The following LVRN variants were observed in gnomAD, a reference collection of about 807,000 sequenced individuals.
The protein encoded by LVRN is aminopeptidase Q.
In LVRN, 99 loss-of-function variants were observed where a neutral mutation model predicts 111.4. The ratio of observed to expected loss-of-function variants is 0.89; its 90% CI spans 0.76 to 1.05. The LOEUF (loss-of-function observed/expected upper bound fraction) is 1.05. LVRN is among the 50% of genes least tolerant of loss of function. The pLI is 0.00. For missense variants in LVRN, 1,414 were observed against 1,206.8 expected, an observed-to-expected ratio of 1.17 and a Z score of -2.54; for synonymous variants, 488 against 449.5, an observed-to-expected ratio of 1.09 and a Z score of -1.08.
intron 1 of LVRN, among the ~76,000 whole-genome samples, chr5:115,980,506 A>T (rs901535955): frequency 4.6e-5 from 7 of 152,050 alleles, no homozygotes; most frequent in Non-Finnish European, 8.8e-5. Context: ...TGCTTGCTTG[A>T]TGTTTGATTT....
intron 18 of LVRN, among the ~76,000 whole-genome samples, chr5:116,020,454 T>C (rs1170522828): frequency 1.3e-5 from 2 of 152,226 alleles, no homozygotes; most frequent in African/African-American, 2.4e-5. Flanking sequence ...ATACAGAGCA[T>C]GATCAGTTTT....
At chr5:116,024,782 C>T (rs1580405106) in intron 19 of LVRN, among the ~76,000 whole-genome samples, 1 of 152,024 alleles carries the variant, frequency 6.6e-6, no homozygotes, top group East Asian at 1.9e-4. Context: ...TAAATTATTG[C>T]AATTTAAAAA....
At chr5:115,969,208 T>C (rs996363906) in intron 1 of LVRN, among the ~76,000 whole-genome samples, 3 of 152,162 alleles carry the variant, frequency 2.0e-5, no homozygotes, top group African/African-American at 7.2e-5. Context: ...TCACTGAGCT[T>C]CTTGTATCTG....
intron 18 of LVRN, chr5:116,021,893 G>A (rs1271318496): frequency 3.1e-6 from 1 of 325,542 alleles, no homozygotes; most frequent in African/African-American, 2.2e-5. Flanking sequence ...GAGCCATGGT[G>A]CTCAGCCTTC....
At position 116,017,130 on chromosome 5, in the gene LVRN, T is replaced by C. The variant is rs117375571; in HGVS notation, c.2756+1365T>C. ...ATTTGAACAAGCACAGTTGCAAATC[T>C]CCTCCTTCTACCTGGAGGACAGAAC... On this transcript the variant is annotated intron_variant, in intron 18 of 19. Coordinates refer to ENST00000357872, the MANE Select transcript of LVRN (RefSeq NM_173800.5). Among the ~76,000 whole-genome samples, 785 of 152,256 alleles carry C rather than the reference T, an allele frequency of 5.2e-3. 11 individuals are homozygous for C. Among genetic ancestry groups the C allele is most frequent in the South Asian group, 0.046 (221 of 4,816 alleles).
chr5:116,007,711 A>T (rs1430153526), intron 13 of LVRN, among the ~76,000 whole-genome samples: 1 of 152,182 alleles, frequency 6.6e-6, no homozygotes, highest in Non-Finnish European at 1.5e-5. Context: ...CTTCACAGAT[A>T]TTGCATTTGT....
chr5:116,003,113 T>C (rs986419557), intron 11 of LVRN, 128 bp from the exon 12 acceptor site: 2 of 971,426 alleles, frequency 2.1e-6, no homozygotes, highest in Non-Finnish European at 3.0e-6. Context: ...AAGAGCAATA[T>C]ATATTTTAGA....
At chr5:116,016,519 C>T (rs73783053) in intron 18 of LVRN, among the ~76,000 whole-genome samples, 11,800 of 152,238 alleles carry the variant, frequency 0.078, 571 homozygotes, top group African/African-American at 0.14. Flanking sequence ...GTTTTTCTGA[C>T]GCACATTCCA....
chr5:115,998,675 T>C (rs901997136), intron 6 of LVRN, among the ~76,000 whole-genome samples: 2 of 152,204 alleles, frequency 1.3e-5, no homozygotes, highest in African/African-American at 4.8e-5. Flanking sequence ...GGTGTGATTC[T>C]TAAACTAGCA....
At chr5:116,010,707 GTTTT>G in intron 13 of LVRN, 30 bp from the exon 14 acceptor site, 3 of 1,568,444 alleles carry the variant, frequency 1.9e-6, no homozygotes, top group Non-Finnish European at 2.6e-6. Context: ...GCAAGTGAAG[GTTTT>G]TTGAGTGTGT....
chr5:116,026,360 T>A lies in LVRN; in HGVS notation c.*242T>A. 2.0e-6 allele frequency: 1 copy of A among 498,796 alleles called. No homozygotes were observed. Among genetic ancestry groups the A allele is most frequent in the Non-Finnish European group, 3.6e-6 (1 of 281,232 alleles). 30.9% of individuals were successfully genotyped at this position (498,796 alleles called of 1,614,324 possible). A position where few individuals can be genotyped will look rare whatever the true frequency, so the allele number is the denominator to read the frequency against. On this transcript the variant is annotated 3_prime_UTR_variant, in exon 20 of 20. Coordinates refer to ENST00000357872, the MANE Select transcript of LVRN (RefSeq NM_173800.5). ...GATGTCACTTCATGTTGGGTTATAA[T>A]CCCACAGAATTTACTTTAAATGTCA...
intron 3 of LVRN, among the ~76,000 whole-genome samples, chr5:115,986,079 G>A (rs771054748): frequency 2.6e-5 from 4 of 152,208 alleles, no homozygotes; most frequent in Non-Finnish European, 4.4e-5. Context: ...TTGGCTGAGC[G>A]ATTCTCAAAG....
At chr5:116,014,384 C>G (rs1748555455) in intron 15 of LVRN, 36 bp from the exon 16 acceptor site, 9 of 1,490,632 alleles carry the variant, frequency 6.0e-6, no homozygotes, top group African/African-American at 1.4e-5. Flanking sequence ...GGTGGTAATG[C>G]AAAATAAACT....
intron 3 of LVRN, among the ~76,000 whole-genome samples, chr5:115,985,322 G>C (rs1747832680): frequency 6.6e-6 from 1 of 152,092 alleles, no homozygotes; most frequent in Non-Finnish European, 1.5e-5. Flanking sequence ...GTTTTATTAA[G>C]GGAACTTAAA....
At chr5:115,998,681 TAGC>T (rs1256736550) in intron 6 of LVRN, among the ~76,000 whole-genome samples, 1 of 152,178 alleles carries the variant, frequency 6.6e-6, no homozygotes, top group Non-Finnish European at 1.5e-5. Flanking sequence ...ATTCTTAAAC[TAGC>T]AGCATCAGCA....
intron 4 of LVRN, among the ~76,000 whole-genome samples, chr5:115,989,612 C>T (rs1176554933): frequency 6.6e-6 from 1 of 152,054 alleles, no homozygotes; most frequent in Admixed American, 6.6e-5. Flanking sequence ...GTCAGGTGGT[C>T]AACAGTAAAC....
In LVRN at chr5:115,962,709, C is replaced by T; in HGVS notation, c.92C>T (p.Ala31Val). The T allele has an allele frequency of 6.2e-7, 1 of 1,611,628 alleles. No homozygotes were observed. The highest frequency in any genetic ancestry group is 8.5e-7 in the Non-Finnish European group (1 of 1,179,636). ...GLVAALLLAL[A>V]VLAALYGHCE... ...GTAGCCGCCCTCCTGCTGGCGCTGGCCGTACTCGCCGCCTTGTACGGCCAC... is the reference window on the plus strand; with the variant it reads ...GTAGCCGCCCTCCTGCTGGCGCTGGTCGTACTCGCCGCCTTGTACGGCCAC... The change falls in exon 1 of 20, where the codon GCC becomes GTC. Residue 31 changes from alanine (A) to valine (V), a missense_variant. Physicochemically the swap from Ala to Val is moderately conservative, Grantham distance 64. Coordinates refer to ENST00000357872, the MANE Select transcript of LVRN (RefSeq NM_173800.5).
At position 116,027,181 on chromosome 5, in the gene LVRN, A is replaced by C. The variant is rs1043586341; in HGVS notation, c.*1063A>C. 1 of 152,190 alleles carries C rather than the reference A, an allele frequency of 6.6e-6. No homozygotes were observed. Among genetic ancestry groups the C allele is most frequent in the Admixed American group, 6.5e-5 (1 of 15,276 alleles). 9.4% of individuals were successfully genotyped at this position (152,190 alleles called of 1,614,324 possible). ...ATGCTTGATTAAAACAAGACAACTA[A>C]AGCTAATCATTCCTCTTCTAGACTT... On this transcript the variant is annotated 3_prime_UTR_variant, in exon 20 of 20. Coordinates refer to ENST00000357872, the MANE Select transcript of LVRN (RefSeq NM_173800.5).
intron 1 of LVRN, among the ~76,000 whole-genome samples, chr5:115,970,475 T>C (rs1189227217): frequency 6.6e-6 from 1 of 151,300 alleles, no homozygotes; most frequent in Non-Finnish European, 1.5e-5. Flanking sequence ...CTCCACCTCA[T>C]GGGTTCAAGC....
Sources: allele counts gnomAD v4.1 joint callset (sites outside exome capture counted in the v4.1 genomes callset), GRCh38; gene constraint gnomAD v4.1.1; transcripts MANE v1.5; gene names NCBI Gene and HGNC (gene_info 2026-07-23, HGNC 2026-07-21).